COL4A2: variants seen among roughly 807,000 people sequenced by gnomAD.
COL4A2 encodes collagen alpha-2(IV) chain.
A neutral mutation model predicts 200.2 loss-of-function variants in COL4A2; 99 were observed. The ratio of observed to expected loss-of-function variants is 0.49; its 90% CI spans 0.42 to 0.58. The LOEUF is 0.58. Ranked by LOEUF, COL4A2 falls within the 20% of genes least tolerant of loss-of-function variation. The pLI, the probability that COL4A2 is intolerant of heterozygous loss-of-function variation, is 0.00. For missense variants in COL4A2, 1,950 were observed against 2,314.1 expected, an observed-to-expected ratio of 0.84 and a Z score of 3.23; for synonymous variants, 897 against 900.6, an observed-to-expected ratio of 1.00 and a Z score of 0.07.
chr13:110,482,428 T>A lies in COL4A2; in HGVS notation c.2759-88T>A, dbSNP rs1378866714. On this transcript the variant is annotated intron_variant, in intron 31 of 47. Transcript: ENST00000360467. ...TCAGAATCTTCTCACTTGAGTTACA[T>A]TGCCGAAATGTTACGGAGACGTGAG... 3.5e-6 allele frequency: 5 copies of A among 1,416,050 alleles called. No individual in the cohort carries two copies. In the East Asian group the frequency reaches 1.2e-4, roughly 33 times the overall value. 87.7% of individuals were successfully genotyped at this position (1,416,050 alleles called of 1,614,324 possible). A position where few individuals can be genotyped will look rare whatever the true frequency, so the allele number is the denominator to read the frequency against.
At chr13:110,485,086 G>C in intron 33 of COL4A2, 59 bp downstream of exon 33, 1 of 1,442,130 alleles carries the variant, frequency 6.9e-7, no homozygotes, top group Admixed American at 2.5e-5. Flanking sequence ...GCCCGCACCA[G>C]CTCGTGCCCT....
intron 3 of COL4A2, among the ~76,000 whole-genome samples, chr13:110,317,040 G>T (rs1318519205): frequency 6.7e-6 from 1 of 148,302 alleles, no homozygotes; most frequent in African/African-American, 2.6e-5. Context: ...ACACATACAT[G>T]CATGCACATA....
chr13:110,509,579 C>T (rs189934883), intron 47 of COL4A2, among the ~76,000 whole-genome samples: 5 of 152,136 alleles, frequency 3.3e-5, no homozygotes, highest in Admixed American at 1.3e-4. Context: ...TTTGGTTGCT[C>T]CTGTTTTTTT....
intron 29 of COL4A2, among the ~76,000 whole-genome samples, chr13:110,475,373 G>A (rs1044447975): frequency 1.3e-5 from 2 of 152,200 alleles, no homozygotes; most frequent in African/African-American, 4.8e-5. Context: ...TAGGTGACTC[G>A]AGTGTCCACC....
intron 4 of COL4A2, among the ~76,000 whole-genome samples, chr13:110,406,645 T>G (rs1204514654): frequency 1.3e-5 from 2 of 149,826 alleles, no homozygotes; most frequent in Non-Finnish European, 3.0e-5. Flanking sequence ...TTTTTTTTTC[T>G]TGGTAATTTA....
rs558867099 is a variant in COL4A2 at position 110,512,229 on chromosome 13, TCTTAA to T, written c.*43_*47del. 469 of 1,574,910 alleles carry T rather than the reference TCTTAA, an allele frequency of 3.0e-4. No homozygotes were observed. The highest frequency in any genetic ancestry group is 6.3e-4 in the African/African-American group (46 of 73,216). ...CAGGAAGGGCCATTTTGGTGCTTAT[TCTTAA>T]CTTATTACCTCAGGTGCCAACCCAA... is the stretch of plus-strand genomic sequence containing the variant. On this transcript the variant is annotated 3_prime_UTR_variant, in exon 48 of 48. Coordinates refer to ENST00000360467, the MANE Select transcript of COL4A2 (RefSeq NM_001846.4).
At chr13:110,451,634 T>C (rs1384897698) in intron 20 of COL4A2, among the ~76,000 whole-genome samples, 2 of 152,226 alleles carry the variant, frequency 1.3e-5, no homozygotes, top group African/African-American at 4.8e-5. Flanking sequence ...GAGAACAGCA[T>C]GGTGGAAACT....
intron 4 of COL4A2, among the ~76,000 whole-genome samples, chr13:110,379,948 C>T (rs1228865439): frequency 1.3e-5 from 2 of 152,152 alleles, no homozygotes; most frequent in Admixed American, 6.5e-5. Context: ...CCTTCTCCAG[C>T]CCCTCTGTGT....
chr13:110,376,717 G>T (rs926348170), intron 4 of COL4A2, among the ~76,000 whole-genome samples: 3 of 152,078 alleles, frequency 2.0e-5, no homozygotes, highest in Non-Finnish European at 4.4e-5. Flanking sequence ...TTCTGCAGTT[G>T]CCTCAAGCTC....
intron 4 of COL4A2, among the ~76,000 whole-genome samples, chr13:110,418,310 A>C (rs1379171129): frequency 6.6e-6 from 1 of 152,218 alleles, no homozygotes; most frequent in African/African-American, 2.4e-5. Context: ...TATGTCTCCC[A>C]GTCTGTCCCC....
chr13:110,407,241 G>T lies in COL4A2; in HGVS notation c.181-17493G>T, dbSNP rs1355724400. On this transcript the variant is annotated intron_variant, in intron 4 of 47. Coordinates refer to ENST00000360467, the MANE Select transcript of COL4A2 (RefSeq NM_001846.4). ...AGCCGGTGTGGGAGAGTCCAACCCT[G>T]CAGGAAACGGCTTGGAGAAGCTCCC... Among the ~76,000 whole-genome samples the T allele has an allele frequency of 4.5e-4, 68 of 152,336 alleles. 1 individual carries two copies. The highest frequency in any genetic ancestry group is 5.9e-5 in the Non-Finnish European group (4 of 68,036).
At chr13:110,330,410 G>T (rs914538192) in intron 3 of COL4A2, among the ~76,000 whole-genome samples, 2 of 152,268 alleles carry the variant, frequency 1.3e-5, no homozygotes, top group South Asian at 2.1e-4. Flanking sequence ...GTGGAGGCGG[G>T]GGGGCAGCCC....
chr13:110,463,741 G>A lies in COL4A2; in HGVS notation c.1776+1357G>A, dbSNP rs559188104. 1.4e-4 allele frequency among the ~76,000 whole-genome samples: 22 copies of A among 152,222 alleles called. No individual in the cohort carries two copies. The South Asian group carries it at 3.9e-3, about 27-fold the overall frequency. On this transcript the variant is annotated intron_variant, in intron 24 of 47. Transcript: ENST00000360467. ...TGTAGAGATGAGATCTCTCTATGTTGCCCATGCTGGTCTCAAACTCCTGGG... is the reference window on the plus strand; with the variant it reads ...TGTAGAGATGAGATCTCTCTATGTTACCCATGCTGGTCTCAAACTCCTGGG...
In COL4A2 at chr13:110,503,892, A is replaced by C. The variant is rs1249033039; in HGVS notation, c.4184A>C (p.Gln1395Pro). The stretch of plus-strand genomic sequence containing the variant: ...GCCCCCGGGATTGCAGGAATCCCCC[A>C]GAAGATTGCCGTCCAACCAGGGACA... ...VGAPGIAGIP[Q>P]KIAVQPGTVG... The change falls in exon 44 of 48, where the codon CAG (glutamine) becomes CCG (proline). Residue 1395 changes from glutamine (Q) to proline (P), a missense_variant. By Grantham distance (76) the Gln-to-Pro change is moderately conservative. Coordinates refer to ENST00000360467, the MANE Select transcript of COL4A2 (RefSeq NM_001846.4). 6.2e-7 allele frequency: 1 copy of C among 1,613,480 alleles called. No individual in the cohort carries two copies. Among genetic ancestry groups the C allele is most frequent in the Non-Finnish European group, 8.5e-7 (1 of 1,179,694 alleles).
In COL4A2 at chr13:110,469,249, G is replaced by T. The variant is rs375421811; in HGVS notation, c.2128G>T (p.Ala710Ser). 3.7e-6 allele frequency: 6 copies of T among 1,602,410 alleles called. No homozygotes were observed. The African/African-American group carries it at 6.7e-5, about 18-fold the overall frequency. The change falls in exon 28 of 48, where the codon GCA becomes TCA. Residue 710 changes from alanine to serine, a missense_variant. Around this residue, in one of 2 missense-constraint regions of COL4A2, gnomAD observed 1,385 missense variants for 1,720.5 expected, o/e 0.80. Coordinates refer to ENST00000360467, the MANE Select transcript of COL4A2 (RefSeq NM_001846.4). ...AKGLRGIPGF[A>S]GADGGPGPRG... is the part of the protein sequence containing the mutation. ...AGGCCTCCGAGGAATCCCAGGCTTCGCAGGAGCTGATGGAGGACCAGGGCC... is the reference window on the plus strand; with the variant it reads ...AGGCCTCCGAGGAATCCCAGGCTTCTCAGGAGCTGATGGAGGACCAGGGCC...
At chr13:110,479,851 A>G (rs1316691936) in intron 30 of COL4A2, among the ~76,000 whole-genome samples, 1 of 152,156 alleles carries the variant, frequency 6.6e-6, no homozygotes, top group Non-Finnish European at 1.5e-5. Flanking sequence ...GGAGCCAGTG[A>G]TGTTCGCGAG....
chr13:110,495,618 C>T, intron 40 of COL4A2, 151 bp downstream of exon 40: 2 of 996,074 alleles, frequency 2.0e-6, no homozygotes, highest in Non-Finnish European at 1.4e-6. Context: ...GTTGCAGGAC[C>T]TCTCAGCTAG....
In COL4A2 at chr13:110,458,832, G is replaced by T. The variant is rs1158472878; in HGVS notation, c.1494G>T (p.Leu498=). The T allele has an allele frequency of 5.0e-6, 8 of 1,613,866 alleles. No individual in the cohort carries two copies. The highest frequency in any genetic ancestry group is 6.8e-6 in the Non-Finnish European group (8 of 1,179,906). Reference sequence around the variant, plus strand: ...AAGCTATCAAAGGTCTTCCGGGACTGCCAGGACCCAAGGGCTTCGCAGGCA... The same window carrying T: ...AAGCTATCAAAGGTCTTCCGGGACTTCCAGGACCCAAGGGCTTCGCAGGCA... ...GDEAIKGLPG[L]PGPKGFAGIN... is the part of the protein sequence containing the mutation. The change falls in exon 22 of 48, where the codon CTG becomes CTT. Residue 498 remains leucine (L), a synonymous_variant. Coordinates refer to ENST00000360467, the MANE Select transcript of COL4A2 (RefSeq NM_001846.4).
chr13:110,460,952 A>C (rs1882002947), intron 22 of COL4A2, among the ~76,000 whole-genome samples: 1 of 152,238 alleles, frequency 6.6e-6, no homozygotes, highest in South Asian at 2.1e-4. Flanking sequence ...GAAACTCCCA[A>C]TTACTTTCAA....
Sources: gnomAD v4.1 joint callset for allele counts (sites outside exome capture counted in the v4.1 genomes callset) on GRCh38, gnomAD v4.1.1 for gene constraint, gnomAD v4.1.1 regional missense constraint, MANE v1.5 for transcripts, NCBI Gene and HGNC (gene_info 2026-07-23, HGNC 2026-07-21) for gene names.